Variants in ZNHIT3 observed in about 807,000 individuals in gnomAD.
The protein encoded by ZNHIT3 is zinc finger HIT-type containing 3.
In ZNHIT3, 27 loss-of-function variants were observed where a neutral mutation model predicts 19.9. The ratio of observed to expected loss-of-function variants is 1.36; its 90% CI spans 1.00 to 1.87. ZNHIT3 has a LOEUF of 1.87. Ranked by LOEUF, ZNHIT3 falls within the 40% of genes most tolerant of loss-of-function variation. The pLI is 0.00. For missense variants in ZNHIT3, 215 were observed against 185.6 expected (o/e 1.16, Z -0.92); for synonymous variants, 81 against 65.7 (o/e 1.23, Z -1.13).
downstream of ZNHIT3, among the ~76,000 whole-genome samples, chr17:36,497,259 A>C (rs12948803): frequency 0.3 from 45,128 of 150,904 alleles, 8,256 homozygotes; most frequent in Non-Finnish European, 0.41. Context: ...AATCGCTTAA[A>C]CCCACTGCAT....
chr17:36,498,449 C>G, downstream of ZNHIT3: 1 of 1,614,020 alleles, frequency 6.2e-7, no homozygotes, highest in Non-Finnish European at 8.5e-7. Context: ...GGATTATTGC[C>G]TCCAGGAGCC....
downstream of ZNHIT3, chr17:36,499,265 C>A: frequency 8.4e-6 from 6 of 712,566 alleles, no homozygotes; most frequent in Non-Finnish European, 1.1e-5. Context: ...GTTTCAAATA[C>A]GTTTTTTTTT....
At chr17:36,496,359 G>A (rs2070966675), downstream of ZNHIT3, 11 of 1,614,032 alleles carry the variant, frequency 6.8e-6, no homozygotes, top group East Asian at 2.2e-4. Flanking sequence ...CAGGGCAGAT[G>A]TCAGCATACC....
In ZNHIT3 at chr17:36,495,192, C is replaced by CA. The variant is rs773611836; in HGVS notation, c.287-30dup. The CA allele has an allele frequency of 1.9e-6, 3 of 1,541,102 alleles. No homozygotes were observed. The South Asian group carries it at 3.8e-5, about 20-fold the overall frequency. On this transcript the variant is annotated intron_variant, in intron 4 of 4. Transcript: ENST00000617429. ...ATCTCCATGTGTTTCCACTTGAACT[C>CA]AGACTGGCTTTTTTTCTTGTTAATT... is the stretch of plus-strand genomic sequence containing the variant.
chr17:36,498,731 C>T, downstream of ZNHIT3: 2 of 676,194 alleles, frequency 3.0e-6, no homozygotes, highest in Non-Finnish European at 4.9e-6. Flanking sequence ...CAAGTCTATA[C>T]ACCCCAGGCA....
intron 4 of ZNHIT3, 57 bp from the exon 5 acceptor site, chr17:36,495,166 C>T (rs1169503792): frequency 3.3e-6 from 5 of 1,509,952 alleles, no homozygotes; most frequent in African/African-American, 1.4e-5. Flanking sequence ...ACTTTTCAGC[C>T]ATCTCCATGT....
intron 4 of ZNHIT3, among the ~76,000 whole-genome samples, chr17:36,494,887 AT>A (rs949723408): frequency 6.6e-6 from 1 of 152,188 alleles, no homozygotes; most frequent in Non-Finnish European, 1.5e-5. Context: ...CTGATAAAGC[AT>A]TTTTTTCTTA....
chr17:36,495,489 C>G lies in ZNHIT3; in HGVS notation c.*85C>G, dbSNP rs2070891907. ...CTCTCCCAGACCAGCTAGTTTGGGG[C>G]TGGGGAGCTCAGGCAAAAGAGGTTT... On this transcript the variant is annotated 3_prime_UTR_variant, in exon 5 of 5. Coordinates refer to ENST00000617429, the MANE Select transcript of ZNHIT3 (RefSeq NM_004773.4). 1.4e-6 allele frequency: 2 copies of G among 1,438,308 alleles called. No individual in the cohort carries two copies. Among genetic ancestry groups the G allele is most frequent in the Admixed American group, 3.0e-5 (1 of 33,414 alleles). The allele number at this position is 1,438,308 out of a possible 1,614,324, so 89.1% of individuals were successfully genotyped here.
chr17:36,488,699 T>C (rs925412267), intron 2 of ZNHIT3, among the ~76,000 whole-genome samples: 13 of 152,272 alleles, frequency 8.5e-5, no homozygotes, highest in Non-Finnish European at 1.9e-4. Flanking sequence ...TATTTGTTTT[T>C]AATTGACACA....
At chr17:36,492,633 T>TG (rs1363779015) in intron 2 of ZNHIT3, 180 bp from the exon 3 acceptor site, 2 of 614,890 alleles carry the variant, frequency 3.3e-6, no homozygotes, top group East Asian at 2.7e-5. Flanking sequence ...CTCAGCCTGC[T>TG]GGCGGTTTTC....
At chr17:36,493,886 C>G (rs1191801952) in intron 3 of ZNHIT3, 40 bp from the exon 4 acceptor site, 1 of 1,485,038 alleles carries the variant, frequency 6.7e-7, no homozygotes. Context: ...CCCAGGCCTC[C>G]TTTTTAGCCA....
rs2070913843 is a variant in ZNHIT3, at chr17:36,495,764, T to C, written c.*360T>C. 1.2e-5 allele frequency: 15 copies of C among 1,241,606 alleles called. No homozygotes were observed. The highest frequency in any genetic ancestry group is 1.4e-5 in the Non-Finnish European group (14 of 993,606). 76.9% of individuals were successfully genotyped at this position (1,241,606 alleles called of 1,614,324 possible). A position where few individuals can be genotyped will look rare whatever the true frequency, so the allele number is the denominator to read the frequency against. On this transcript the variant is annotated 3_prime_UTR_variant, in exon 5 of 5. Transcript: ENST00000617429. ...AAACGTGATTCTACTGTACATTGCA[T>C]TATTCATAATTTAATTGTTTGAAAT...
At position 36,486,759 on chromosome 17, in the gene ZNHIT3, C is replaced by T. The variant is rs372257914; in HGVS notation, c.60C>T (p.Tyr20=). ...TGATCTGCTTGGAGAAGCCCAAATA[C>T]CGCTGTCCAGCCTGCCGCGTGCCCT... The part of the protein sequence containing the change: ...VCVICLEKPK[Y]RCPACRVPYC... Residue 20 remains tyrosine (Y), a synonymous_variant, in exon 1 of 5, where the codon TAC becomes TAT. Transcript: ENST00000617429. 223 of 1,613,578 alleles carry T rather than the reference C, an allele frequency of 1.4e-4. No homozygotes were observed. Among genetic ancestry groups the T allele is most frequent in the Non-Finnish European group, 1.8e-4 (216 of 1,179,834 alleles).
intron 2 of ZNHIT3, chr17:36,490,058 T>C (rs754281274): frequency 2.0e-5 from 3 of 152,128 alleles, no homozygotes; most frequent in Admixed American, 1.3e-4. Flanking sequence ...ATTCTATTGT[T>C]TCCTTTGTTG....
At chr17:36,498,125 G>T, downstream of ZNHIT3, 1 of 822,456 alleles carries the variant, frequency 1.2e-6, no homozygotes, top group Non-Finnish European at 1.8e-6. Context: ...AGCTGATTGG[G>T]ACATGCAGCC....
chr17:36,498,608 T>C (rs373592150), downstream of ZNHIT3: 1 of 1,518,836 alleles, frequency 6.6e-7, no homozygotes, highest in Non-Finnish European at 8.9e-7. Flanking sequence ...CTAGCCCTCT[T>C]AGCAGAAAAT....
chr17:36,498,581 T>A, downstream of ZNHIT3: 2 of 1,592,142 alleles, frequency 1.3e-6, no homozygotes, highest in Non-Finnish European at 1.7e-6. Context: ...AATATCCCTT[T>A]ATAGCTTTAG....
At chr17:36,499,283 A>G (rs1377249441), downstream of ZNHIT3, 4 of 619,526 alleles carry the variant, frequency 6.5e-6, no homozygotes, top group Admixed American at 2.9e-5. Flanking sequence ...TTTTTTCAAT[A>G]AATTGCTACA....
chr17:36,492,095 T>C (rs1358762392), intron 2 of ZNHIT3: 1 of 152,274 alleles, frequency 6.6e-6, no homozygotes, highest in Non-Finnish European at 1.5e-5. Flanking sequence ...CGTAGCATAT[T>C]GTCAAATCTA....
Sources: gnomAD v4.1 joint callset for allele counts (sites outside exome capture counted in the v4.1 genomes callset) on GRCh38, gnomAD v4.1.1 for gene constraint, MANE v1.5 for transcripts, NCBI Gene and HGNC (gene_info 2026-07-23, HGNC 2026-07-21) for gene names.